PHF2: variants seen among roughly 807,000 people sequenced by gnomAD.
PHF2 encodes the protein PHD finger protein 2.
PHF2 carries 27 observed loss-of-function variants against 120.5 expected under a neutral mutation model. That is an observed-to-expected ratio of 0.22 (90% CI 0.17 to 0.31). The LOEUF (loss-of-function observed/expected upper bound fraction) is 0.31, where lower values mean the gene tolerates loss of function less well. Among genes scored for constraint, PHF2 ranks in the 10% least tolerant of loss-of-function variants. PHF2 has a pLI of 1.00. For missense variants in PHF2, 1,024 were observed against 1,434.8 expected (o/e 0.71, Z 4.63); for synonymous variants, 568 against 592.5 (o/e 0.96, Z 0.60).
chr9:93,678,989 A>C lies in PHF2; in HGVS notation c.*1313A>C. 1 of 322,996 alleles carries C rather than the reference A, an allele frequency of 3.1e-6. No individual in the cohort carries two copies. The highest frequency in any genetic ancestry group is 2.4e-5 in the South Asian group (1 of 41,390). The allele number at this position is 322,996 out of a possible 1,614,324, so 20.0% of individuals were successfully genotyped here. A position where few individuals can be genotyped will look rare whatever the true frequency, so the allele number is the denominator to read the frequency against. On this transcript the variant is annotated 3_prime_UTR_variant, in exon 22 of 22. Transcript: ENST00000359246. ...AGTACACAAAAGATCTATTTCAGAC[A>C]CATTTTGAAGATGAATCTTCAACTT...
At chr9:93,591,123 G>A (rs1013370290) in intron 1 of PHF2, among the ~76,000 whole-genome samples, 1 of 152,162 alleles carries the variant, frequency 6.6e-6, no homozygotes, top group Non-Finnish European at 1.5e-5. Context: ...CGTGCCTCCT[G>A]TGACCCATGC....
intron 1 of PHF2, among the ~76,000 whole-genome samples, chr9:93,594,664 T>G (rs7033849): frequency 0.13 from 19,173 of 152,104 alleles, 2,526 homozygotes; most frequent in African/African-American, 0.33. Flanking sequence ...AGTGACAGCA[T>G]GAGTGGGAGA....
Position 93,581,066 on chromosome 9 carries a change from A to C in PHF2, c.98+4195A>C, listed in dbSNP as rs74604187. Among the ~76,000 whole-genome samples, 1,385 of 152,136 alleles carry C rather than the reference A, an allele frequency of 9.1e-3. 21 individuals are homozygous for C. Among genetic ancestry groups the C allele is most frequent in the African/African-American group, 0.032 (1,317 of 41,458 alleles). On this transcript the variant is annotated intron_variant, in intron 1 of 21. Coordinates refer to ENST00000359246, the MANE Select transcript of PHF2 (RefSeq NM_005392.4). Reference sequence around the variant, plus strand: ...TGGAAGTGCTCAGAAGGTAGAGTGGACAAGACTTGCCTGGCATGGCTCCCT... The same window carrying C: ...TGGAAGTGCTCAGAAGGTAGAGTGGCCAAGACTTGCCTGGCATGGCTCCCT...
At chr9:93,597,937 T>C (rs1307448885) in intron 1 of PHF2, among the ~76,000 whole-genome samples, 1 of 152,156 alleles carries the variant, frequency 6.6e-6, no homozygotes, top group African/African-American at 2.4e-5. Context: ...ACACCTCTAC[T>C]CCTCTGGGCA....
chr9:93,621,987 G>C (rs554669659), intron 1 of PHF2, among the ~76,000 whole-genome samples: 1 of 152,164 alleles, frequency 6.6e-6, no homozygotes, highest in Non-Finnish European at 1.5e-5. Flanking sequence ...CATTGGGGAC[G>C]TGCCCAACCA....
At position 93,636,458 on chromosome 9, in the gene PHF2, G is replaced by A. The variant is rs1313416442; in HGVS notation, c.232G>A (p.Asp78Asn). Residue 78 changes from aspartate to asparagine, a missense_variant, in exon 3 of 22, where the codon GAC becomes AAC. Physicochemically the swap from Asp to Asn is conservative, Grantham distance 23. Transcript: ENST00000359246. ...CAAACACGGCCCGGGGCAAGCGCCT[G>A]ACGTCAAGCCCGTGCAGAATGGCAG... ...WHKHGPGQAP[D>N]VKPVQNGSQL... The A allele has an allele frequency of 6.2e-7, 1 of 1,610,638 alleles. No homozygotes were observed. Among genetic ancestry groups the A allele is most frequent in the South Asian group, 1.1e-5 (1 of 90,302 alleles).
intron 2 of PHF2, among the ~76,000 whole-genome samples, chr9:93,633,895 T>G (rs1217203865): frequency 6.6e-6 from 1 of 152,102 alleles, no homozygotes; most frequent in African/African-American, 2.4e-5. Flanking sequence ...TCCTTTTCTT[T>G]GATCTCCTCA....
chr9:93,650,123 A>T (rs1826340689), intron 5 of PHF2, among the ~76,000 whole-genome samples: 1 of 135,398 alleles, frequency 7.4e-6, no homozygotes, highest in Non-Finnish European at 1.6e-5. Context: ...ATGGACACAC[A>T]CTTAGCACTC....
chr9:93,667,310 ATGG>A, intron 17 of PHF2, 70 bp downstream of exon 17: 2 of 1,534,896 alleles, frequency 1.3e-6, no homozygotes, highest in South Asian at 1.2e-5. Flanking sequence ...CTCGGCCATG[ATGG>A]TGGGAGCCTG....
At chr9:93,627,677 C>G (rs1371775016) in intron 1 of PHF2, among the ~76,000 whole-genome samples, 1 of 151,964 alleles carries the variant, frequency 6.6e-6, no homozygotes, top group African/African-American at 2.4e-5. Context: ...TGAAGAAGTT[C>G]CCCTCTATTC....
intron 1 of PHF2, among the ~76,000 whole-genome samples, chr9:93,600,227 T>TG (rs755876352): frequency 1.7e-4 from 26 of 151,032 alleles, no homozygotes; most frequent in Admixed American, 4.6e-4. Context: ...TGGTGGTGCA[T>TG]GGGGGGTGTG....
intron 2 of PHF2, among the ~76,000 whole-genome samples, chr9:93,634,065 G>T (rs997358576): frequency 2.0e-5 from 3 of 152,206 alleles, no homozygotes; most frequent in Non-Finnish European, 2.9e-5. Context: ...GGTGACCTAA[G>T]GGCAGGCAGG....
intron 17 of PHF2, among the ~76,000 whole-genome samples, chr9:93,669,201 C>A (rs1456440079): frequency 6.6e-6 from 1 of 152,238 alleles, no homozygotes; most frequent in East Asian, 1.9e-4. Flanking sequence ...CACCCCCCAG[C>A]CCCCCGTGGC....
intron 1 of PHF2, among the ~76,000 whole-genome samples, chr9:93,577,651 G>T (rs1471554295): frequency 1.3e-5 from 2 of 152,166 alleles, no homozygotes; most frequent in Non-Finnish European, 2.9e-5. Flanking sequence ...TCTCCTCTCC[G>T]TTCCCGGCAG....
intron 3 of PHF2, among the ~76,000 whole-genome samples, chr9:93,644,140 AC>A (rs2117855414): frequency 1.3e-5 from 2 of 152,188 alleles, no homozygotes; most frequent in South Asian, 4.2e-4. Flanking sequence ...TAATCCCAGC[AC>A]TTTGGAAGGC....
intron 17 of PHF2, chr9:93,672,642 G>C (rs1826827135): frequency 1.0e-6 from 1 of 984,866 alleles, no homozygotes. Flanking sequence ...GCAGGTGCGG[G>C]GGTGGAGGTA....
At chr9:93,655,486 C>T (rs1194682114) in intron 7 of PHF2, among the ~76,000 whole-genome samples, 2 of 152,164 alleles carry the variant, frequency 1.3e-5, no homozygotes, top group Non-Finnish European at 2.9e-5. Context: ...GTCCCAGCTG[C>T]GATGCAGCTG....
chr9:93,654,631 C>A, intron 7 of PHF2, 56 bp downstream of exon 7: 1 of 1,530,238 alleles, frequency 6.5e-7, no homozygotes, highest in Non-Finnish European at 9.0e-7. Context: ...CCTCATCAAG[C>A]TTACTGCCCT....
intron 1 of PHF2, among the ~76,000 whole-genome samples, chr9:93,601,365 C>T (rs10821175): frequency 0.31 from 47,150 of 152,028 alleles, 8,287 homozygotes; most frequent in Non-Finnish European, 0.4. Flanking sequence ...AAGGTTGGTT[C>T]GGGCTTGAGA....
Sources: gnomAD v4.1 joint callset for allele counts (sites outside exome capture counted in the v4.1 genomes callset) on GRCh38, gnomAD v4.1.1 for gene constraint, MANE v1.5 for transcripts, NCBI Gene and HGNC (gene_info 2026-07-23, HGNC 2026-07-21) for gene names.